Variants in TTLL11 observed in about 807,000 individuals in gnomAD.
TTLL11 encodes the protein tubulin polyglutamylase TTLL11.
In TTLL11, 42 loss-of-function variants were observed where a neutral mutation model predicts 51.7. That is an observed-to-expected ratio of 0.81 (90% CI 0.64 to 1.05). The LOEUF is 1.05. TTLL11 is among the 50% of genes least tolerant of loss of function. The pLI, the probability that TTLL11 is intolerant of heterozygous loss-of-function variation, is 0.00. For missense variants in TTLL11, 799 were observed against 940.4 expected, an observed-to-expected ratio of 0.85 and a Z score of 1.97; for synonymous variants, 381 against 383.5, an observed-to-expected ratio of 0.99 and a Z score of 0.08.
intron 6 of TTLL11, among the ~76,000 whole-genome samples, chr9:121,938,276 G>A (rs1217947174): frequency 2.1e-5 from 3 of 141,692 alleles, no homozygotes; most frequent in African/African-American, 8.1e-5. Flanking sequence ...GGAACAGAGT[G>A]AGACGCTGTC....
Position 121,819,747 on chromosome 9 carries a change from C to T in TTLL11, c.*2840G>A, listed in dbSNP as rs180841770. Among the ~76,000 whole-genome samples, 1,159 of 152,288 alleles carry T rather than the reference C, an allele frequency of 7.6e-3. 18 individuals are homozygous for T. The highest frequency in any genetic ancestry group is 0.027 in the African/African-American group (1,108 of 41,556). Reference sequence around the variant, plus strand: ...GCCTCTGGGCCAGCCAGACTCCCGGCTCTACTTCCTATCTTCTCGGAGGAA... The same window carrying T: ...GCCTCTGGGCCAGCCAGACTCCCGGTTCTACTTCCTATCTTCTCGGAGGAA... On this transcript the variant is annotated 3_prime_UTR_variant, in exon 9 of 9. Transcript: ENST00000321582.
chr9:122,023,697 T>A (rs997271347), intron 3 of TTLL11, among the ~76,000 whole-genome samples: 5 of 151,260 alleles, frequency 3.3e-5, no homozygotes, highest in African/African-American at 4.9e-5. Flanking sequence ...AAGATCCATA[T>A]GATCATCTCA....
intron 6 of TTLL11, among the ~76,000 whole-genome samples, chr9:121,897,877 C>T (rs1839601415): frequency 6.6e-6 from 1 of 151,912 alleles, no homozygotes; most frequent in African/African-American, 2.4e-5. Context: ...CTCCCTTTCT[C>T]CCTTCTCTTT....
chr9:122,092,981 C>T lies in TTLL11; in HGVS notation c.168G>A (p.Gly56=), dbSNP rs1200351154. The T allele has an allele frequency of 1.3e-6, 2 of 1,566,476 alleles. No individual in the cohort carries two copies. The highest frequency in any genetic ancestry group is 4.8e-5 in the East Asian group (2 of 41,686). Residue 56 remains glycine (G), a synonymous_variant, in exon 1 of 9, where the codon GGG becomes GGA. Coordinates refer to ENST00000321582, the MANE Select transcript of TTLL11 (RefSeq NM_001139442.2). ...GAAGEPECKA[G]EEQPKVLAPA... is the part of the protein sequence containing the mutation. ...GGGCCAGGACCTTGGGCTGCTCCTC[C>T]CCTGCCTTGCACTCCGGTTCCCCGG...
chr9:121,906,591 AG>A (rs1839956659), intron 6 of TTLL11, among the ~76,000 whole-genome samples: 1 of 151,646 alleles, frequency 6.6e-6, no homozygotes. Context: ...AAACAGGAGG[AG>A]GATTTTTTTT....
Position 122,080,529 on chromosome 9 carries a change from T to A in TTLL11, c.462+12158A>T, listed in dbSNP as rs545761612. Among the ~76,000 whole-genome samples the A allele has an allele frequency of 5.8e-3, 842 of 146,084 alleles. 7 individuals carry two copies. The highest frequency in any genetic ancestry group is 0.02 in the African/African-American group (776 of 38,542). Reference sequence around the variant, plus strand: ...GAAACCCCATCTCTACAAAAAAAAATATATATATACAAAAATTAGCTGGCA... The same window carrying A: ...GAAACCCCATCTCTACAAAAAAAAAAATATATATACAAAAATTAGCTGGCA... On this transcript the variant is annotated intron_variant, in intron 1 of 8. Coordinates refer to ENST00000321582, the MANE Select transcript of TTLL11 (RefSeq NM_001139442.2).
At chr9:122,088,317 T>G (rs1290450464) in intron 1 of TTLL11, among the ~76,000 whole-genome samples, 1 of 152,176 alleles carries the variant, frequency 6.6e-6, no homozygotes, top group African/African-American at 2.4e-5. Context: ...CAGACCAAAC[T>G]GTAACTGTTT....
intron 3 of TTLL11, among the ~76,000 whole-genome samples, chr9:122,001,041 T>G (rs1311009169): frequency 6.6e-6 from 1 of 150,574 alleles, no homozygotes; most frequent in Non-Finnish European, 1.5e-5. Context: ...TTTCAGGTTT[T>G]GTTTTGTTTT....
chr9:121,902,849 G>A (rs1839820725), intron 6 of TTLL11, among the ~76,000 whole-genome samples: 1 of 152,138 alleles, frequency 6.6e-6, no homozygotes, highest in Non-Finnish European at 1.5e-5. Flanking sequence ...CACGTGTTGG[G>A]AAACTCTAGA....
At position 122,015,822 on chromosome 9, in the gene TTLL11, AAG is replaced by A. The variant is rs1196509700; in HGVS notation, c.693+15899_693+15900del. Among the ~76,000 whole-genome samples the A allele has an allele frequency of 5.0e-4, 75 of 149,784 alleles. No individual in the cohort carries two copies. The Middle Eastern group carries it at 0.01, about 21-fold the overall frequency. ...TCAAAAGAGACAAAAAAAAAAAAAA[AAG>A]AAAGAAAGTAAACCACAGCATATGT... On this transcript the variant is annotated intron_variant, in intron 3 of 8. Transcript: ENST00000321582.
At chr9:121,964,167 T>C (rs1202594012) in intron 6 of TTLL11, among the ~76,000 whole-genome samples, 1 of 149,960 alleles carries the variant, frequency 6.7e-6, no homozygotes, top group East Asian at 1.9e-4. Flanking sequence ...GAAATAAAAG[T>C]TGGAAAAAAA....
intron 3 of TTLL11, among the ~76,000 whole-genome samples, chr9:121,998,390 G>T (rs1047514754): frequency 1.9e-4 from 29 of 151,988 alleles, no homozygotes; most frequent in African/African-American, 6.8e-4. Flanking sequence ...GGGTTCAAGC[G>T]ATTCTCGTGC....
chr9:121,868,349 TG>T (rs1168380738), intron 7 of TTLL11, among the ~76,000 whole-genome samples: 1 of 152,196 alleles, frequency 6.6e-6, no homozygotes, highest in African/African-American at 2.4e-5. Flanking sequence ...TTCACTATAA[TG>T]GGGTAGCACT....
At position 121,981,979 on chromosome 9, in the gene TTLL11, T is replaced by C. The variant is rs576654126; in HGVS notation, c.1270-7000A>G. The stretch of plus-strand genomic sequence containing the variant: ...ATTAACCCTCCATATATGCATGGCC[T>C]AGGACTCAGCAGAGACCCACTGAGA... On this transcript the variant is annotated intron_variant, in intron 4 of 8. Coordinates refer to ENST00000321582, the MANE Select transcript of TTLL11 (RefSeq NM_001139442.2). Among the ~76,000 whole-genome samples the C allele has an allele frequency of 2.0e-5, 3 of 152,316 alleles. No homozygotes were observed. The East Asian group carries it at 5.8e-4, about 29-fold the overall frequency.
intron 3 of TTLL11, among the ~76,000 whole-genome samples, chr9:122,007,018 T>C (rs1033207692): frequency 2.0e-5 from 3 of 151,250 alleles, no homozygotes. Context: ...AACTTTTCCT[T>C]ATTTTTCTGC....
intron 6 of TTLL11, among the ~76,000 whole-genome samples, chr9:121,971,708 C>G (rs1588166177): frequency 8.3e-6 from 1 of 120,310 alleles, no homozygotes; most frequent in African/African-American, 3.0e-5. Flanking sequence ...GGAGACTTTT[C>G]ATTTTGTTCT....
intron 6 of TTLL11, among the ~76,000 whole-genome samples, chr9:121,931,938 G>A (rs758205207): frequency 5.0e-4 from 76 of 152,122 alleles, no homozygotes; most frequent in Non-Finnish European, 3.2e-4. Context: ...AGTGCTTAGC[G>A]TTGGACCTCA....
In TTLL11 at chr9:121,817,390, C is replaced by T. The variant is rs1168585037; in HGVS notation, c.*5197G>A. The T allele has an allele frequency of 6.6e-6, 1 of 152,196 alleles. No individual in the cohort carries two copies. Among genetic ancestry groups the T allele is most frequent in the Non-Finnish European group, 1.5e-5 (1 of 68,032 alleles). 9.4% of individuals were successfully genotyped at this position (152,196 alleles called of 1,614,324 possible). A position where few individuals can be genotyped will look rare whatever the true frequency, so the allele number is the denominator to read the frequency against. ...AAGAGCTTTTACCTTCATCCCTTCA[C>T]ACTTTGTAGGAAGCCAGTAGCCAGG... is the stretch of plus-strand genomic sequence containing the variant. On this transcript the variant is annotated 3_prime_UTR_variant, in exon 9 of 9. Transcript: ENST00000321582.
At chr9:122,029,871 T>A (rs1308842000) in intron 3 of TTLL11, among the ~76,000 whole-genome samples, 1 of 152,186 alleles carries the variant, frequency 6.6e-6, no homozygotes, top group Non-Finnish European at 1.5e-5. Flanking sequence ...CATAGGTGTA[T>A]CATTTTTCAT....
Sources: gnomAD v4.1 joint callset for allele counts (sites outside exome capture counted in the v4.1 genomes callset) on GRCh38, gnomAD v4.1.1 for gene constraint, MANE v1.5 for transcripts, NCBI Gene and HGNC (gene_info 2026-07-23, HGNC 2026-07-21) for gene names.